Variants in MAP9 observed in about 807,000 individuals in gnomAD.
MAP9 encodes the protein microtubule-associated protein 9.
MAP9 carries 80 observed loss-of-function variants against 75.2 expected under a neutral mutation model. The observed-to-expected ratio is 1.06, with a 90% CI of 0.89 to 1.28. The LOEUF is 1.28. MAP9 is among the 50% of genes most tolerant of loss of function. The pLI, the probability that MAP9 is intolerant of heterozygous loss-of-function variation, is 0.00. For synonymous variants in MAP9, 235 were observed against 237.3 expected, an observed-to-expected ratio of 0.99 and a Z score of 0.09; for missense variants, 753 against 719.9, an observed-to-expected ratio of 1.05 and a Z score of -0.53.
intron 2 of MAP9, 39 bp downstream of exon 2, chr4:155,375,737 G>GTTTAC: frequency 7.4e-7 from 1 of 1,348,262 alleles, no homozygotes; most frequent in Non-Finnish European, 1.1e-6. Context: ...CTAATACAGT[G>GTTTAC]TTTACACTGT....
chr4:155,360,835 T>C (rs371872630), intron 6 of MAP9, among the ~76,000 whole-genome samples: 2 of 152,048 alleles, frequency 1.3e-5, no homozygotes, highest in East Asian at 1.9e-4. Context: ...CAGTTACTAG[T>C]AGTACAATTG....
intron 4 of MAP9, 41 bp from the exon 5 acceptor site, chr4:155,368,853 AC>A: frequency 6.6e-7 from 1 of 1,512,364 alleles, no homozygotes. Flanking sequence ...TAAAAAAATG[AC>A]CATGGCTTTA....
intron 6 of MAP9, 120 bp from the exon 7 acceptor site, chr4:155,360,535 T>C: frequency 1.1e-6 from 1 of 949,152 alleles, no homozygotes; most frequent in South Asian, 1.8e-5. Flanking sequence ...TTGCAAAATA[T>C]GAAGAAAAGT....
chr4:155,359,210 T>TATACACACACAC (rs371399839), intron 7 of MAP9, among the ~76,000 whole-genome samples: 39 of 145,476 alleles, frequency 2.7e-4, no homozygotes, highest in African/African-American at 9.7e-4. Context: ...AAAATGTGTA[T>TATACACACACAC]ACACACACAC....
At chr4:155,355,694 T>C (rs1731747061) in intron 9 of MAP9, 22 bp downstream of exon 9, 2 of 1,579,960 alleles carry the variant, frequency 1.3e-6, no homozygotes, top group Admixed American at 1.8e-5. Context: ...CTTCTTCTCT[T>C]AAAAATATTT....
chr4:155,355,682 T>C (rs1166969386), intron 9 of MAP9, 34 bp downstream of exon 9: 1 of 1,534,582 alleles, frequency 6.5e-7, no homozygotes, highest in Non-Finnish European at 8.9e-7. Context: ...AAAGTGATCA[T>C]TCTTCTTCTC....
Position 155,368,742 on chromosome 4 carries a change from C to G in MAP9, c.552G>C (p.Lys184Asn), listed in dbSNP as rs773160504. 9 of 1,613,930 alleles carry G rather than the reference C, an allele frequency of 5.6e-6. No individual in the cohort carries two copies. The South Asian group carries it at 9.9e-5, about 18-fold the overall frequency. ...CATCCTTCTCCTCCATGTGACTTTT[C>G]TTTTTCAACATACTCCTTGGCCGAG... ...PSPRPRSMLK[K>N]KSHMEEKDGL... Residue 184 changes from lysine (K) to asparagine (N), a missense_variant, in exon 5 of 14, where the codon AAG (lysine) becomes AAC (asparagine). Coordinates refer to ENST00000311277, the MANE Select transcript of MAP9 (RefSeq NM_001039580.2).
intron 4 of MAP9, among the ~76,000 whole-genome samples, chr4:155,369,427 C>A (rs1426947262): frequency 2.0e-5 from 3 of 149,972 alleles, no homozygotes; most frequent in Non-Finnish European, 4.4e-5. Context: ...GAAGTTAACT[C>A]TTCAACATTG....
chr4:155,354,903 A>G (rs1221003906), intron 10 of MAP9, among the ~76,000 whole-genome samples, 168 bp downstream of exon 10: 1 of 152,260 alleles, frequency 6.6e-6, no homozygotes, highest in Non-Finnish European at 1.5e-5. Context: ...TAAAACAGTT[A>G]TATCAAACTA....
In MAP9 at chr4:155,360,370, T is replaced by A; in HGVS notation, c.848A>T (p.Asp283Val). 2.5e-6 allele frequency: 4 copies of A among 1,612,388 alleles called. No homozygotes were observed. In the South Asian group the frequency reaches 4.4e-5, roughly 18 times the overall value. The change falls in exon 7 of 14, where the codon GAT (aspartate) becomes GTT (valine). Residue 283 changes from aspartate to valine, a missense_variant. Transcript: ENST00000311277. ...ITENHNSLKS[D>V]ENKENSFSAD... Reference sequence around the variant, plus strand: ...TGAAAATGAATTCTCTTTATTTTCATCTGATTTCAAGGAATTATGGTTTTC... The same window carrying A: ...TGAAAATGAATTCTCTTTATTTTCAACTGATTTCAAGGAATTATGGTTTTC...
Position 155,375,929 on chromosome 4 carries a change from A to C in MAP9, c.-64-15T>G. On this transcript the variant is annotated splice_polypyrimidine_tract_variant and intron_variant, in intron 1 of 13. Transcript: ENST00000311277. ...TCTGATAGTAGCTGAAATATACAAA[A>C]CAAATCAGACTTCGCATGCTTCAGA... is the stretch of plus-strand genomic sequence containing the variant. The C allele has an allele frequency of 1.1e-6, 1 of 908,490 alleles. No homozygotes were observed. The highest frequency in any genetic ancestry group is 1.4e-5 in the South Asian group (1 of 69,140). 56.3% of individuals were successfully genotyped at this position (908,490 alleles called of 1,614,324 possible). A position where few individuals can be genotyped will look rare whatever the true frequency, so the allele number is the denominator to read the frequency against.
chr4:155,349,407 G>A (rs924619176), intron 13 of MAP9: 3 of 152,170 alleles, frequency 2.0e-5, no homozygotes, highest in Non-Finnish European at 4.4e-5. Context: ...AGTGAAACCT[G>A]CCTCTGCAGG....
At position 155,368,616 on chromosome 4, in the gene MAP9, T is replaced by C. The variant is rs765990444; in HGVS notation, c.678A>G (p.Lys226=). The part of the protein sequence containing the change: ...TPNGIQLEAE[K]KAFSENLDPE... Reference sequence around the variant, plus strand: ...GATCAAGGTTTTCAGAGAATGCTTTTTTCTCAGCTTCTAATTGTATGCCAT... The same window carrying C: ...GATCAAGGTTTTCAGAGAATGCTTTCTTCTCAGCTTCTAATTGTATGCCAT... Residue 226 remains lysine (K), a synonymous_variant, in exon 5 of 14, where the codon AAA becomes AAG. Coordinates refer to ENST00000311277, the MANE Select transcript of MAP9 (RefSeq NM_001039580.2). The C allele has an allele frequency of 1.1e-5, 17 of 1,614,068 alleles. No individual in the cohort carries two copies. The highest frequency in any genetic ancestry group is 1.6e-4 in the Middle Eastern group (1 of 6,084).
At position 155,345,567 on chromosome 4, in the gene MAP9, T is replaced by C. The variant is rs1731255422; in HGVS notation, c.*2216A>G. ...CCATTATCAACCCTATCTATGTTAA[T>C]GTTCGCACACTCATGAATGGGGAAA... On this transcript the variant is annotated 3_prime_UTR_variant, in exon 14 of 14. Transcript: ENST00000311277. The C allele has an allele frequency of 6.6e-6, 1 of 152,122 alleles. No individual in the cohort carries two copies. Among genetic ancestry groups the C allele is most frequent in the Non-Finnish European group, 1.5e-5 (1 of 67,992 alleles). 9.4% of individuals were successfully genotyped at this position (152,122 alleles called of 1,614,324 possible).
intron 13 of MAP9, among the ~76,000 whole-genome samples, chr4:155,350,499 A>G (rs1731466345): frequency 6.6e-6 from 1 of 152,078 alleles, no homozygotes; most frequent in Non-Finnish European, 1.5e-5. Context: ...AAGATATGGA[A>G]TTAAAATGGA....
At chr4:155,374,062 C>T (rs751504307) in intron 3 of MAP9, among the ~76,000 whole-genome samples, 32 of 152,044 alleles carry the variant, frequency 2.1e-4, no homozygotes, top group African/African-American at 6.3e-4. Flanking sequence ...AACACCAGGC[C>T]GGGTGCGGTG....
chr4:155,367,261 C>A (rs1156857276), intron 5 of MAP9: 2 of 152,016 alleles, frequency 1.3e-5, no homozygotes, highest in African/African-American at 4.8e-5. Flanking sequence ...AGAAGAGACA[C>A]AGACATGCAG....
Position 155,375,867 on chromosome 4 carries a change from T to C in MAP9, c.-17A>G, listed in dbSNP as rs1732817513. On this transcript the variant is annotated 5_prime_UTR_variant, in exon 2 of 14. Transcript: ENST00000311277. ...ATCAGACATAGTGTATTTTTTCTCG[T>C]TACCTTTATAAAATAGCTAATTATT... 6.4e-7 allele frequency: 1 copy of C among 1,561,310 alleles called. No individual in the cohort carries two copies. Among genetic ancestry groups the C allele is most frequent in the Non-Finnish European group, 8.8e-7 (1 of 1,137,266 alleles).
intron 7 of MAP9, among the ~76,000 whole-genome samples, chr4:155,359,515 CT>C (rs1480300989): frequency 6.6e-6 from 1 of 151,904 alleles, no homozygotes; most frequent in Admixed American, 6.6e-5. Flanking sequence ...AAAAGTCTGA[CT>C]TTACCACTAC....
Sources: allele counts gnomAD v4.1 joint callset (sites outside exome capture counted in the v4.1 genomes callset), GRCh38; gene constraint gnomAD v4.1.1; transcripts MANE v1.5; gene names NCBI Gene and HGNC (gene_info 2026-07-23, HGNC 2026-07-21).